Variants in SSBP3 observed in about 807,000 individuals in gnomAD.
SSBP3 encodes the protein single stranded DNA binding protein 3, also known as single-stranded DNA-binding protein 3.
In SSBP3, 5 loss-of-function variants were observed where a neutral mutation model predicts 69.6. That is an observed-to-expected ratio of 0.07 (90% CI 0.04 to 0.15). The LOEUF is 0.15. Ranked by LOEUF, SSBP3 falls within the 10% of genes least tolerant of loss-of-function variation. The pLI, the probability that SSBP3 is intolerant of heterozygous loss-of-function variation, is 1.00. For missense variants in SSBP3, 312 were observed against 534.0 expected, an observed-to-expected ratio of 0.58 and a Z score of 4.10; for synonymous variants, 196 against 193.4, an observed-to-expected ratio of 1.01 and a Z score of -0.11.
At position 54,278,326 on chromosome 1, in the gene SSBP3, C is replaced by CT. The variant is rs57603297; in HGVS notation, c.366+3111dup. Among the ~76,000 whole-genome samples, 225 of 145,274 alleles carry CT rather than the reference C, an allele frequency of 1.5e-3. 1 individual carries two copies. Among genetic ancestry groups the CT allele is most frequent in the South Asian group, 3.7e-3 (17 of 4,594 alleles). ...GGTGCTGGGGATGCCAATATTAGGG[C>CT]TTTTTTTTTTTTTAAAGGTGAGGTG... On this transcript the variant is annotated intron_variant, in intron 5 of 17. Transcript: ENST00000610401.
intron 4 of SSBP3, among the ~76,000 whole-genome samples, chr1:54,284,919 T>C (rs1205134874): frequency 6.6e-6 from 1 of 152,196 alleles, no homozygotes. Context: ...GTTCTTTGAA[T>C]GCAACGGCCA....
chr1:54,325,351 G>A (rs1367209140), intron 4 of SSBP3: 1 of 167,098 alleles, frequency 6.0e-6, no homozygotes, highest in African/African-American at 2.4e-5. Flanking sequence ...CTAGGAAAAG[G>A]CAGGAACAGA....
chr1:54,265,189 G>C (rs1557475901), intron 5 of SSBP3, among the ~76,000 whole-genome samples: 3 of 152,308 alleles, frequency 2.0e-5, no homozygotes, highest in Admixed American at 2.0e-4. Context: ...CTGACCAGAT[G>C]GGGGGAGGAA....
chr1:54,333,090 TCACCACTGAACA>T (rs1646448613), intron 4 of SSBP3, among the ~76,000 whole-genome samples: 1 of 152,086 alleles, frequency 6.6e-6, no homozygotes, highest in African/African-American at 2.4e-5. Flanking sequence ...GCAGGGACCA[TCACCACTGAACA>T]CACCACTGCT....
At chr1:54,316,061 C>A (rs1041596803) in intron 4 of SSBP3, among the ~76,000 whole-genome samples, 4 of 152,172 alleles carry the variant, frequency 2.6e-5, no homozygotes, top group African/African-American at 7.2e-5. Flanking sequence ...GGAATTTATT[C>A]TAACTGGGCG....
intron 4 of SSBP3, among the ~76,000 whole-genome samples, chr1:54,282,592 T>C (rs1645415509): frequency 6.6e-6 from 1 of 152,216 alleles, no homozygotes; most frequent in Admixed American, 6.5e-5. Flanking sequence ...GTGCAACCTA[T>C]TCAGGTGGTC....
At position 54,298,772 on chromosome 1, in the gene SSBP3, C is replaced by T. The variant is rs1449928967; in HGVS notation, c.277-17245G>A. Among the ~76,000 whole-genome samples, 10 of 152,274 alleles carry T rather than the reference C, an allele frequency of 6.6e-5. No individual in the cohort carries two copies. The East Asian group carries it at 1.5e-3, about 24-fold the overall frequency. On this transcript the variant is annotated intron_variant, in intron 4 of 17. Transcript: ENST00000610401. ...GCTCTTCTCCGATCCAGCTCCTGGACGTCAGCTTCAAAAACACCATGGTCA... is the reference window on the plus strand; with the variant it reads ...GCTCTTCTCCGATCCAGCTCCTGGATGTCAGCTTCAAAAACACCATGGTCA...
chr1:54,376,181 T>C (rs1647229211), intron 4 of SSBP3, among the ~76,000 whole-genome samples: 1 of 151,010 alleles, frequency 6.6e-6, no homozygotes. Context: ...CTCGTGTGCG[T>C]GCATGCGTGG....
chr1:54,380,329 T>C (rs893324123), intron 4 of SSBP3, among the ~76,000 whole-genome samples: 1 of 152,178 alleles, frequency 6.6e-6, no homozygotes, highest in East Asian at 1.9e-4. Flanking sequence ...TGCTTGAGTC[T>C]TGATTACACC....
intron 4 of SSBP3, among the ~76,000 whole-genome samples, chr1:54,315,402 T>A (rs550648525): frequency 6.6e-6 from 1 of 152,078 alleles, no homozygotes; most frequent in Non-Finnish European, 1.5e-5. Context: ...CTTGGTACTA[T>A]GAGAAGCACA....
chr1:54,302,462 C>CAA (rs1645820497), intron 4 of SSBP3, among the ~76,000 whole-genome samples: 1 of 152,106 alleles, frequency 6.6e-6, no homozygotes, highest in Non-Finnish European at 1.5e-5. Context: ...CAGGCATGCA[C>CAA]CACCACACCT....
intron 5 of SSBP3, among the ~76,000 whole-genome samples, chr1:54,266,268 C>T (rs1645102514): frequency 1.3e-5 from 2 of 152,240 alleles, no homozygotes; most frequent in Admixed American, 1.3e-4. Context: ...CTGGTCTTGG[C>T]TGCAGCACAA....
chr1:54,321,612 G>A (rs779865963), intron 4 of SSBP3, among the ~76,000 whole-genome samples: 2 of 152,238 alleles, frequency 1.3e-5, no homozygotes, highest in Non-Finnish European at 2.9e-5. Context: ...ATGGAAAACT[G>A]GGAAATCGAT....
intron 4 of SSBP3, among the ~76,000 whole-genome samples, chr1:54,388,127 A>T (rs1648220283): frequency 6.6e-6 from 1 of 152,124 alleles, no homozygotes; most frequent in Non-Finnish European, 1.5e-5. Context: ...GCAAACTGTC[A>T]CTGACATTTT....
At chr1:54,370,640 C>T (rs763715228) in intron 4 of SSBP3, among the ~76,000 whole-genome samples, 1 of 152,118 alleles carries the variant, frequency 6.6e-6, no homozygotes, top group Non-Finnish European at 1.5e-5. Context: ...TCTGTCACTG[C>T]CCCAGGACTG....
intron 4 of SSBP3, among the ~76,000 whole-genome samples, chr1:54,301,137 G>T (rs895388861): frequency 1.3e-5 from 2 of 152,258 alleles, no homozygotes; most frequent in Non-Finnish European, 2.9e-5. Flanking sequence ...GCTCAGAGAG[G>T]TCACTCGGCA....
At chr1:54,228,970 G>T in intron 14 of SSBP3, 144 bp from the exon 15 acceptor site, 1 of 827,158 alleles carries the variant, frequency 1.2e-6, no homozygotes, top group Non-Finnish European at 1.9e-6. Flanking sequence ...GACATGTCCT[G>T]CCTGGCAGCT....
At chr1:54,240,587 CCAAG>C (rs1250246838) in intron 13 of SSBP3, among the ~76,000 whole-genome samples, 4 of 151,910 alleles carry the variant, frequency 2.6e-5, no homozygotes, top group South Asian at 2.1e-4. Context: ...TGGCAGAACC[CCAAG>C]GCCCCTTTTT....
At chr1:54,333,416 C>T (rs1646454956) in intron 4 of SSBP3, among the ~76,000 whole-genome samples, 1 of 152,154 alleles carries the variant, frequency 6.6e-6, no homozygotes, top group South Asian at 2.1e-4. Flanking sequence ...CAAAAAACAC[C>T]GTCAGATTTC....
Sources: gnomAD v4.1 joint callset for allele counts (sites outside exome capture counted in the v4.1 genomes callset) on GRCh38, gnomAD v4.1.1 for gene constraint, MANE v1.5 for transcripts, NCBI Gene and HGNC (gene_info 2026-07-23, HGNC 2026-07-21) for gene names.